Variants in HPSE2 observed in about 807,000 individuals in gnomAD.
HPSE2 encodes inactive heparanase-2.
A neutral mutation model predicts 60.5 loss-of-function variants in HPSE2; 38 were observed. That is an observed-to-expected ratio of 0.63 (90% CI 0.48 to 0.82). The LOEUF (loss-of-function observed/expected upper bound fraction) is 0.82. Among genes scored for constraint, HPSE2 ranks in the 40% least tolerant of loss-of-function variants. The pLI is 0.00. For missense variants in HPSE2, 713 were observed against 740.4 expected (o/e 0.96, Z 0.43); for synonymous variants, 295 against 293.2 (o/e 1.01, Z -0.06).
chr10:98,877,439 T>C (rs940011436), intron 3 of HPSE2, among the ~76,000 whole-genome samples: 1 of 151,916 alleles, frequency 6.6e-6, no homozygotes, highest in Non-Finnish European at 1.5e-5. Context: ...CCTAGCTCCA[T>C]TGCTTCTCAG....
At chr10:98,948,906 T>A (rs1955267799) in intron 3 of HPSE2, among the ~76,000 whole-genome samples, 1 of 152,172 alleles carries the variant, frequency 6.6e-6, no homozygotes, top group Non-Finnish European at 1.5e-5. Flanking sequence ...ATTATAAGAA[T>A]ATACAATATA....
At chr10:99,235,445 G>C in intron 1 of HPSE2, 68 bp downstream of exon 1, 6 of 1,377,462 alleles carry the variant, frequency 4.4e-6, no homozygotes, top group Non-Finnish European at 6.2e-6. Context: ...TTTGGAATGG[G>C]GGATAGGAAG....
chr10:98,852,464 C>T (rs917688745), intron 3 of HPSE2, among the ~76,000 whole-genome samples: 2 of 152,138 alleles, frequency 1.3e-5, no homozygotes, highest in African/African-American at 4.8e-5. Context: ...CCTCTGGCCT[C>T]AGCCTCCCAG....
At chr10:98,486,203 A>C (rs533196416) in intron 10 of HPSE2, among the ~76,000 whole-genome samples, 117 of 152,282 alleles carry the variant, frequency 7.7e-4, no homozygotes, top group Non-Finnish European at 1.4e-3. Flanking sequence ...CGAGTGCAGC[A>C]CCAACCTGAA....
intron 3 of HPSE2, among the ~76,000 whole-genome samples, chr10:99,021,604 G>C (rs900595868): frequency 6.6e-6 from 1 of 152,108 alleles, no homozygotes; most frequent in Middle Eastern, 3.4e-3. Context: ...TACATAAAAA[G>C]AGAAGACAAA....
intron 9 of HPSE2, among the ~76,000 whole-genome samples, chr10:98,560,713 T>G (rs568789679): frequency 6.6e-6 from 1 of 152,326 alleles, no homozygotes; most frequent in African/African-American, 2.4e-5. Context: ...TTTCAGTCAA[T>G]GATAGACTAC....
intron 3 of HPSE2, among the ~76,000 whole-genome samples, chr10:99,141,297 T>A (rs1845858679): frequency 6.6e-6 from 1 of 152,082 alleles, no homozygotes; most frequent in Non-Finnish European, 1.5e-5. Context: ...GTGGGAAAAG[T>A]GCAGTACATG....
the HPSE2 span, among the ~76,000 whole-genome samples, chr10:99,270,134 G>GAGC: frequency 6.6e-6 from 1 of 152,048 alleles, no homozygotes; most frequent in Admixed American, 6.6e-5. Context: ...AACAAGATCA[G>GAGC]AGAACTAAAT....
Position 99,173,604 on chromosome 10 carries a change from G to A in HPSE2, c.449-29205C>T, listed in dbSNP as rs115617441. Among the ~76,000 whole-genome samples, 293 of 152,254 alleles carry A rather than the reference G, an allele frequency of 1.9e-3. 1 individual carries two copies. The highest frequency in any genetic ancestry group is 6.5e-3 in the African/African-American group (272 of 41,540). On this transcript the variant is annotated intron_variant, in intron 2 of 11. Transcript: ENST00000370552. Reference sequence around the variant, plus strand: ...GTTTAATAAATACTGGAAAGGGTCTGTAAAACTTATAACTCTGAAAAAAAT... The same window carrying A: ...GTTTAATAAATACTGGAAAGGGTCTATAAAACTTATAACTCTGAAAAAAAT...
chr10:99,181,384 C>T (rs1432210516), intron 2 of HPSE2, among the ~76,000 whole-genome samples: 4 of 106,628 alleles, frequency 3.8e-5, no homozygotes, highest in East Asian at 2.6e-4. Context: ...GGCGACAGAG[C>T]GAGACTCCGT....
At chr10:99,186,722 T>C (rs897755621) in intron 2 of HPSE2, among the ~76,000 whole-genome samples, 1 of 152,102 alleles carries the variant, frequency 6.6e-6, no homozygotes, top group Non-Finnish European at 1.5e-5. Context: ...CCTGGAGGCA[T>C]GCTTATTCTT....
Position 98,600,851 on chromosome 10 carries a change from CAT to C in HPSE2, c.1320+14051_1320+14052del, listed in dbSNP as rs558593671. On this transcript the variant is annotated intron_variant, in intron 9 of 11. Transcript: ENST00000370552. ...ATACACAAAGATATATATACACACA[CAT>C]ATTATATATATACGTATATATGTAT... 4.9e-3 allele frequency among the ~76,000 whole-genome samples: 643 copies of C among 130,636 alleles called. 10 individuals carry two copies. The highest frequency in any genetic ancestry group is 0.017 in the African/African-American group (620 of 37,026). 85.7% of individuals were successfully genotyped at this position (130,636 alleles called of 152,430 possible).
chr10:98,968,773 C>T (rs1038277967), intron 3 of HPSE2, among the ~76,000 whole-genome samples: 6 of 151,860 alleles, frequency 4.0e-5, no homozygotes, highest in Non-Finnish European at 1.5e-5. Flanking sequence ...TATGTTTTCA[C>T]TTATATGTGG....
At chr10:98,586,964 T>A (rs375409322) in intron 9 of HPSE2, among the ~76,000 whole-genome samples, 1 of 152,224 alleles carries the variant, frequency 6.6e-6, no homozygotes, top group Non-Finnish European at 1.5e-5. Context: ...TTGACCTTTG[T>A]AAACTTCCTG....
chr10:98,490,282 C>T, intron 9 of HPSE2, 86 bp from the exon 10 acceptor site: 1 of 1,229,660 alleles, frequency 8.1e-7, no homozygotes, highest in Non-Finnish European at 1.2e-6. Flanking sequence ...CACACACACA[C>T]ACACACACAC....
chr10:99,224,234 G>A (rs775365544), intron 2 of HPSE2, among the ~76,000 whole-genome samples: 2 of 152,010 alleles, frequency 1.3e-5, no homozygotes, highest in Non-Finnish European at 2.9e-5. Context: ...AACTCAATTA[G>A]ATCATGAAAG....
chr10:99,070,826 T>A (rs1396968815), intron 3 of HPSE2, among the ~76,000 whole-genome samples: 1 of 152,200 alleles, frequency 6.6e-6, no homozygotes, highest in Non-Finnish European at 1.5e-5. Context: ...TGTTGCTGCA[T>A]ATTTCAAGAT....
intron 3 of HPSE2, among the ~76,000 whole-genome samples, chr10:98,838,265 C>T (rs1404003261): frequency 6.6e-6 from 1 of 152,112 alleles, no homozygotes; most frequent in Non-Finnish European, 1.5e-5. Flanking sequence ...CTCTTTGAAC[C>T]TCAGTCACCT....
intron 2 of HPSE2, among the ~76,000 whole-genome samples, chr10:99,224,322 T>C (rs550061770): frequency 6.6e-6 from 1 of 151,960 alleles, no homozygotes; most frequent in Non-Finnish European, 1.5e-5. Flanking sequence ...TCAAGAAATA[T>C]GTCTTCACTT....
Sources: allele counts gnomAD v4.1 joint callset (sites outside exome capture counted in the v4.1 genomes callset), GRCh38; gene constraint gnomAD v4.1.1; transcripts MANE v1.5; gene names NCBI Gene and HGNC (gene_info 2026-07-23, HGNC 2026-07-21).